TMEM132D: variants seen among roughly 807,000 people sequenced by gnomAD.
TMEM132D encodes the protein mature OL transmembrane protein.
A neutral mutation model predicts 62.3 loss-of-function variants in TMEM132D; 21 were observed. That is an observed-to-expected ratio of 0.34 (90% CI 0.24 to 0.49). The LOEUF (loss-of-function observed/expected upper bound fraction) is 0.49, where lower values mean the gene tolerates loss of function less well. Ranked by LOEUF, TMEM132D falls within the 20% of genes least tolerant of loss-of-function variation. The pLI is 0.99. For missense variants in TMEM132D, 1,346 were observed against 1,402.8 expected, an observed-to-expected ratio of 0.96 and a Z score of 0.65; for synonymous variants, 621 against 575.6, an observed-to-expected ratio of 1.08 and a Z score of -1.13.
chr12:129,873,419 G>C (rs549051783), intron 1 of TMEM132D, among the ~76,000 whole-genome samples: 2 of 152,302 alleles, frequency 1.3e-5, no homozygotes, highest in East Asian at 1.9e-4. Flanking sequence ...ACAATTAAAA[G>C]AGAACCAGAC....
At chr12:129,297,055 GAA>G (rs1881596720) in intron 4 of TMEM132D, among the ~76,000 whole-genome samples, 1 of 152,176 alleles carries the variant, frequency 6.6e-6, no homozygotes, top group Non-Finnish European at 1.5e-5. Flanking sequence ...CCTGTCCAGA[GAA>G]AGTTTCCTGT....
intron 1 of TMEM132D, among the ~76,000 whole-genome samples, chr12:129,899,320 G>C (rs1021600874): frequency 0.011 from 1,552 of 145,762 alleles, 113 homozygotes; most frequent in Admixed American, 0.084. Context: ...TGGATGGATG[G>C]ATGGATGGAT....
At chr12:129,496,096 T>A (rs1034490048) in intron 3 of TMEM132D, among the ~76,000 whole-genome samples, 1 of 152,200 alleles carries the variant, frequency 6.6e-6, no homozygotes, top group Non-Finnish European at 1.5e-5. Context: ...TTCATTCACT[T>A]CACTATTCCT....
At chr12:129,673,177 G>T (rs970747832) in intron 2 of TMEM132D, among the ~76,000 whole-genome samples, 1 of 149,672 alleles carries the variant, frequency 6.7e-6, no homozygotes, top group South Asian at 2.1e-4. Context: ...CCTCTGCTAC[G>T]CCCTAGCAAC....
intron 2 of TMEM132D, among the ~76,000 whole-genome samples, chr12:129,576,200 C>T (rs570149642): frequency 1.2e-4 from 18 of 152,038 alleles, no homozygotes; most frequent in Middle Eastern, 3.4e-3. Flanking sequence ...TGACCATCTC[C>T]GCGATAATGC....
intron 5 of TMEM132D, among the ~76,000 whole-genome samples, chr12:129,098,479 T>A (rs1875185580): frequency 1.3e-5 from 2 of 152,236 alleles, no homozygotes; most frequent in South Asian, 4.1e-4. Flanking sequence ...AGATGCCTTT[T>A]TTTCTAGGGT....
chr12:129,510,774 A>G (rs1351807), intron 3 of TMEM132D, among the ~76,000 whole-genome samples: 68,917 of 151,942 alleles, frequency 0.45, 16,438 homozygotes, highest in Non-Finnish European at 0.53. Context: ...ATTTTTTGCC[A>G]TTTCTTTCAG....
intron 3 of TMEM132D, among the ~76,000 whole-genome samples, chr12:129,430,818 A>G (rs1346552442): frequency 2.0e-5 from 3 of 152,192 alleles, no homozygotes; most frequent in Non-Finnish European, 4.4e-5. Context: ...AGGCTTACAG[A>G]AAGAAAAAGG....
At chr12:129,650,186 T>C (rs1028442618) in intron 2 of TMEM132D, among the ~76,000 whole-genome samples, 1 of 152,206 alleles carries the variant, frequency 6.6e-6, no homozygotes, top group African/African-American at 2.4e-5. Context: ...TATATAATTG[T>C]TTTGCAAGTT....
intron 5 of TMEM132D, among the ~76,000 whole-genome samples, chr12:129,206,609 C>A (rs1184459412): frequency 6.6e-6 from 1 of 152,150 alleles, no homozygotes; most frequent in African/African-American, 2.4e-5. Context: ...TGGGTACATA[C>A]CCAAAGGAAT....
chr12:129,228,149 A>AC (rs35967680), intron 4 of TMEM132D, among the ~76,000 whole-genome samples: 107,866 of 151,872 alleles, frequency 0.71, 38,913 homozygotes, highest in East Asian at 0.98. Context: ...GTTTTGGAGA[A>AC]CTGCCATTGA....
intron 1 of TMEM132D, among the ~76,000 whole-genome samples, chr12:129,819,716 T>A (rs1349366679): frequency 6.6e-6 from 1 of 152,186 alleles, no homozygotes; most frequent in Non-Finnish European, 1.5e-5. Flanking sequence ...AAGTGTTAGT[T>A]GCTGCTGGTA....
intron 2 of TMEM132D, among the ~76,000 whole-genome samples, chr12:129,570,734 G>A (rs1280297394): frequency 6.6e-6 from 1 of 152,188 alleles, no homozygotes; most frequent in Non-Finnish European, 1.5e-5. Flanking sequence ...TGCTGTTATT[G>A]GTGGTTGTTA....
intron 1 of TMEM132D, among the ~76,000 whole-genome samples, chr12:129,882,084 T>C (rs781688749): frequency 6.6e-6 from 1 of 152,034 alleles, no homozygotes; most frequent in African/African-American, 2.4e-5. Context: ...CACTATGAAG[T>C]AGATAATTTG....
chr12:129,824,113 G>A (rs908748725), intron 1 of TMEM132D, among the ~76,000 whole-genome samples: 22 of 152,126 alleles, frequency 1.4e-4, no homozygotes, highest in Non-Finnish European at 1.3e-4. Context: ...GCTATGGAGG[G>A]CTGCGCAAGA....
At chr12:129,204,926 C>T (rs1270191488) in intron 5 of TMEM132D, among the ~76,000 whole-genome samples, 1 of 152,078 alleles carries the variant, frequency 6.6e-6, no homozygotes, top group Non-Finnish European at 1.5e-5. Flanking sequence ...CCAAACTAAG[C>T]TTCATAAGTG....
At chr12:129,666,173 C>G (rs1359506237) in intron 2 of TMEM132D, among the ~76,000 whole-genome samples, 1 of 152,144 alleles carries the variant, frequency 6.6e-6, no homozygotes, top group Non-Finnish European at 1.5e-5. Context: ...CCTTCAGCTG[C>G]GATTAGACCC....
chr12:129,717,562 C>T (rs913824273), intron 1 of TMEM132D, among the ~76,000 whole-genome samples: 29 of 148,032 alleles, frequency 2.0e-4, no homozygotes, highest in Admixed American at 8.8e-4. Flanking sequence ...TAAATATTTC[C>T]GTATGGGAAA....
At chr12:129,496,590 G>T (rs1292162405) in intron 3 of TMEM132D, among the ~76,000 whole-genome samples, 1 of 151,928 alleles carries the variant, frequency 6.6e-6, no homozygotes, top group African/African-American at 2.4e-5. Flanking sequence ...GTGGACACAA[G>T]AAATATTCAC....
Sources: allele counts gnomAD v4.1 joint callset (sites outside exome capture counted in the v4.1 genomes callset), GRCh38; gene constraint gnomAD v4.1.1; transcripts MANE v1.5; gene names NCBI Gene and HGNC (gene_info 2026-07-23, HGNC 2026-07-21).